Variants in ZNF786 observed in about 807,000 individuals in gnomAD.
ZNF786 encodes the protein zinc finger protein 786.
In ZNF786, 56 loss-of-function variants were observed where a neutral mutation model predicts 63.1. The observed-to-expected ratio is 0.89, with a 90% CI of 0.72 to 1.11. The LOEUF (loss-of-function observed/expected upper bound fraction) is 1.11. ZNF786 is among the 50% of genes least tolerant of loss of function. The probability of loss-of-function intolerance (pLI) is 0.00; values close to 1 mark genes in which losing one functional copy is unlikely to be tolerated. For synonymous variants in ZNF786, 485 were observed against 406.9 expected (o/e 1.19, Z -2.31); for missense variants, 1,213 against 1,041.8 (o/e 1.16, Z -2.26).
chr7:149,084,646 C>T (rs1160780691), intron 1 of ZNF786, among the ~76,000 whole-genome samples: 1 of 152,048 alleles, frequency 6.6e-6, no homozygotes, highest in African/African-American at 2.4e-5. Context: ...TTTTTTAATG[C>T]AGTTGTTTTT....
In ZNF786 at chr7:149,070,167, C is replaced by T. The variant is rs1190190537; in HGVS notation, c.*256G>A. 5 of 364,346 alleles carry T rather than the reference C, an allele frequency of 1.4e-5. No individual in the cohort carries two copies. The South Asian group carries it at 1.5e-4, about 11-fold the overall frequency. 22.6% of individuals were successfully genotyped at this position (364,346 alleles called of 1,614,324 possible). On this transcript the variant is annotated 3_prime_UTR_variant, in exon 4 of 4. Transcript: ENST00000491431. Reference sequence around the variant, plus strand: ...GTCTTTTCCAATATAGCTGGGATCACGCCACTGCACTCCAGCCTGGGTGAC... The same window carrying T: ...GTCTTTTCCAATATAGCTGGGATCATGCCACTGCACTCCAGCCTGGGTGAC...
At chr7:149,080,341 C>T (rs1825629740) in intron 2 of ZNF786, among the ~76,000 whole-genome samples, 1 of 152,082 alleles carries the variant, frequency 6.6e-6, no homozygotes, top group South Asian at 2.1e-4. Context: ...TGACTAAAGG[C>T]CCCTCATAAA....
chr7:149,086,329 T>A (rs1825735454), intron 1 of ZNF786, among the ~76,000 whole-genome samples: 1 of 152,120 alleles, frequency 6.6e-6, no homozygotes, highest in South Asian at 2.1e-4. Flanking sequence ...CTTTTGTTCA[T>A]GATGGAAGGT....
chr7:149,084,037 T>C (rs1400351557), intron 1 of ZNF786, among the ~76,000 whole-genome samples: 2 of 152,092 alleles, frequency 1.3e-5, no homozygotes, highest in African/African-American at 4.8e-5. Flanking sequence ...TTCCTTTGGG[T>C]ATATATTCAA....
At chr7:149,087,721 C>G (rs1825760421) in intron 1 of ZNF786, among the ~76,000 whole-genome samples, 1 of 152,246 alleles carries the variant, frequency 6.6e-6, no homozygotes, top group Admixed American at 6.6e-5. Context: ...TTCCTTTCAC[C>G]ACTTCACAAT....
At chr7:149,073,273 C>A (rs1161949339) in intron 3 of ZNF786, among the ~76,000 whole-genome samples, 1 of 152,118 alleles carries the variant, frequency 6.6e-6, no homozygotes, top group Non-Finnish European at 1.5e-5. Context: ...CTTTAAGAAT[C>A]CAAAAATCTC....
rs1825444071 is a variant in ZNF786 at position 149,072,317 on chromosome 7, A to T, written c.455T>A (p.Leu152Gln). 1 of 1,613,520 alleles carries T rather than the reference A, an allele frequency of 6.2e-7. No individual in the cohort carries two copies. The highest frequency in any genetic ancestry group is 8.5e-7 in the Non-Finnish European group (1 of 1,179,792). The change falls in exon 4 of 4, where the codon CTA (leucine) becomes CAA (glutamine). Residue 152 changes from leucine (L) to glutamine (Q), a missense_variant. Coordinates refer to ENST00000491431, the MANE Select transcript of ZNF786 (RefSeq NM_152411.4). Reference protein sequence around the residue: ...QRHDARAPPPLACGPSESTLK... With the variant: ...QRHDARAPPPQACGPSESTLK... ...GGTAGATTCACTGGGGCCGCAGGCT[A>T]GTGGTGGAGGAGCCCTGGCGTCGTG...
intron 3 of ZNF786, 89 bp from the exon 4 acceptor site, chr7:149,072,562 G>C: frequency 7.0e-7 from 1 of 1,419,558 alleles, no homozygotes; most frequent in Non-Finnish European, 9.2e-7. Context: ...AGAGTGCCTT[G>C]TGGTGGCCTG....
chr7:149,076,175 C>T (rs1825545017), intron 2 of ZNF786, among the ~76,000 whole-genome samples: 2 of 151,752 alleles, frequency 1.3e-5, no homozygotes, highest in African/African-American at 4.8e-5. Context: ...AGTACAATGG[C>T]GCGATCTCAG....
chr7:149,072,047 C>A lies in ZNF786; in HGVS notation c.725G>T (p.Cys242Phe), dbSNP rs751937205. The change falls in exon 4 of 4, where the codon TGT (cysteine) becomes TTT (phenylalanine). Residue 242 changes from cysteine (C) to phenylalanine (F), a missense_variant. By Grantham distance (205) the Cys-to-Phe change is radical. Coordinates refer to ENST00000491431, the MANE Select transcript of ZNF786 (RefSeq NM_152411.4). Reference protein sequence around the residue: ...SSPRVQRHFRCGVCGKSFRRK... With the variant: ...SSPRVQRHFRFGVCGKSFRRK... ...GCGGAAGCTCTTACCGCACACGCCACACCGGAAGTGCCTCTGTACCCGAGG... is the reference window on the plus strand; with the variant it reads ...GCGGAAGCTCTTACCGCACACGCCAAACCGGAAGTGCCTCTGTACCCGAGG... 1 of 1,613,244 alleles carries A rather than the reference C, an allele frequency of 6.2e-7. No homozygotes were observed. The highest frequency in any genetic ancestry group is 1.1e-5 in the South Asian group (1 of 91,058).
intron 3 of ZNF786, among the ~76,000 whole-genome samples, chr7:149,073,747 GTATA>G (rs57987134): frequency 0.066 from 5,109 of 77,334 alleles, 212 homozygotes; most frequent in African/African-American, 0.13. Context: ...GTGTGTGTGT[GTATA>G]TATATATATA....
In ZNF786 at chr7:149,071,692, CG is replaced by C; in HGVS notation, c.1079del (p.Ala360GlyfsTer21). On this transcript the variant is annotated frameshift_variant, in exon 4 of 4. Transcript: ENST00000491431. LOFTEE classifies it high-confidence loss of function. ...GNSHQEGDTE[A>X]LQHGAEGPCS... Reference sequence around the variant, plus strand: ...AGGGCCCCTCTGCGCCATGCTGCAGCGCCTCCGTGTCCCCTTCCTGGTGGCT... The same window carrying C: ...AGGGCCCCTCTGCGCCATGCTGCAGCCCTCCGTGTCCCCTTCCTGGTGGCT... The C allele has an allele frequency of 6.4e-7, 1 of 1,569,270 alleles. No homozygotes were observed. Among genetic ancestry groups the C allele is most frequent in the South Asian group, 1.1e-5 (1 of 87,372 alleles).
In ZNF786 at chr7:149,072,570, C is replaced by T. The variant is rs1825450844; in HGVS notation, c.299-97G>A. 3.6e-6 allele frequency: 5 copies of T among 1,393,568 alleles called. No homozygotes were observed. The East Asian group carries it at 7.5e-5, about 21-fold the overall frequency. The allele number at this position is 1,393,568 out of a possible 1,614,324, so 86.3% of individuals were successfully genotyped here. ...ACCCACAAGAGTGCCTTGTGGTGGC[C>T]TGGGAACCCAGCTTCCACTGAGCTA... On this transcript the variant is annotated intron_variant, in intron 3 of 3. Transcript: ENST00000491431.
intron 1 of ZNF786, chr7:149,082,589 T>A: frequency 1.4e-5 from 7 of 483,624 alleles, no homozygotes; most frequent in Non-Finnish European, 1.7e-5. Context: ...ACTTAAATTT[T>A]TTTTTTTTTT....
intron 2 of ZNF786, among the ~76,000 whole-genome samples, chr7:149,077,505 G>A (rs191455604): frequency 9.9e-5 from 15 of 152,214 alleles, no homozygotes; most frequent in Middle Eastern, 3.4e-3. Flanking sequence ...GCGGGCGCCT[G>A]TAGTCCCAGC....
At chr7:149,079,361 A>C (rs1825615161) in intron 2 of ZNF786, among the ~76,000 whole-genome samples, 1 of 151,286 alleles carries the variant, frequency 6.6e-6, no homozygotes, top group African/African-American at 2.4e-5. Flanking sequence ...GTGAGCTGAG[A>C]TCCCGCCGCT....
chr7:149,070,458 G>C lies in ZNF786; in HGVS notation c.2314C>G (p.Gln772Glu), dbSNP rs1383163248. ...NELDIKKRLS[Q>E]LFAMIEADWS ...TCGGCCTCTATCATTGCAAACAGTT[G>C]GCTGAGCCTTTTCTTAATGTCCAGT... Residue 772 changes from glutamine to glutamate, a missense_variant, in exon 4 of 4, where the codon CAA (glutamine) becomes GAA (glutamate). By Grantham distance (29) the Gln-to-Glu change is conservative (BLOSUM62 2). Transcript: ENST00000491431. The C allele has an allele frequency of 1.2e-5, 20 of 1,613,908 alleles. No individual in the cohort carries two copies. The highest frequency in any genetic ancestry group is 1.4e-5 in the Non-Finnish European group (16 of 1,179,848).
At position 149,086,071 on chromosome 7, in the gene ZNF786, A is replaced by C. The variant is rs993647243; in HGVS notation, c.18+4552T>G. On this transcript the variant is annotated intron_variant, in intron 1 of 3. Transcript: ENST00000491431. ...CTCTATTTCTATTTGGATGACTTTT[A>C]TTTCTTTCTCTTGCCACACTGCTCT... 8.4e-4 allele frequency among the ~76,000 whole-genome samples: 128 copies of C among 152,224 alleles called. 1 individual carries two copies. The highest frequency in any genetic ancestry group is 3.0e-3 in the African/African-American group (125 of 41,556).
At chr7:149,077,867 CTT>C (rs373659985) in intron 2 of ZNF786, among the ~76,000 whole-genome samples, 21 of 139,506 alleles carry the variant, frequency 1.5e-4, no homozygotes, top group Admixed American at 2.9e-4. Context: ...ATAATTTTGT[CTT>C]TTTTTTTTTT....
Sources: gnomAD v4.1 joint callset for allele counts (sites outside exome capture counted in the v4.1 genomes callset) on GRCh38, gnomAD v4.1.1 for gene constraint, MANE v1.5 for transcripts, NCBI Gene and HGNC (gene_info 2026-07-23, HGNC 2026-07-21) for gene names.